Variants in DACH1 observed in about 807,000 individuals in gnomAD.
DACH1 encodes the protein dachshund homolog 1.
DACH1 carries 12 observed loss-of-function variants against 54.2 expected under a neutral mutation model. The ratio of observed to expected loss-of-function variants is 0.22; its 90% CI spans 0.14 to 0.36. DACH1 has a LOEUF of 0.36. DACH1 is among the 10% of genes least tolerant of loss of function. DACH1 has a pLI of 1.00. For synonymous variants in DACH1, 386 were observed against 366.2 expected (o/e 1.05, Z -0.62); for missense variants, 805 against 929.8 (o/e 0.87, Z 1.75).
At chr13:71,845,171 C>T (rs1292888559) in intron 1 of DACH1, among the ~76,000 whole-genome samples, 1 of 152,018 alleles carries the variant, frequency 6.6e-6, no homozygotes, top group Non-Finnish European at 1.5e-5. Flanking sequence ...GGTAATTACC[C>T]TGATCTGATC....
rs1217159359 is a variant in DACH1 at position 71,496,306 on chromosome 13, T to TATATAC, written c.1571-7159_1571-7158insGTATAT. Among the ~76,000 whole-genome samples, 453 of 45,832 alleles carry TATATAC rather than the reference T, an allele frequency of 9.9e-3. 5 individuals carry two copies. The highest frequency in any genetic ancestry group is 0.011 in the Non-Finnish European group (268 of 23,884). 30.1% of individuals were successfully genotyped at this position (45,832 alleles called of 152,430 possible). On this transcript the variant is annotated intron_variant, in intron 6 of 10. Coordinates refer to ENST00000613252, the MANE Select transcript of DACH1 (RefSeq NM_080759.6). ...ATATATATATATATATATATATATA[T>TATATAC]ACACACACAAAAAGATATGCAACAT...
chr13:71,702,212 T>C (rs1882174746), intron 1 of DACH1, among the ~76,000 whole-genome samples: 1 of 152,160 alleles, frequency 6.6e-6, no homozygotes. Context: ...AAAATGATCC[T>C]AAATTGCATA....
In DACH1 at chr13:71,488,977, C is replaced by A; in HGVS notation, c.1722+20G>T. On this transcript the variant is annotated intron_variant, in intron 7 of 10. Coordinates refer to ENST00000613252, the MANE Select transcript of DACH1 (RefSeq NM_080759.6). Reference sequence around the variant, plus strand: ...CAGGGTGTTCCATATGTCTTTCTTCCAGGTTGTAAAAAGGCCTACCTGTAT... The same window carrying A: ...CAGGGTGTTCCATATGTCTTTCTTCAAGGTTGTAAAAAGGCCTACCTGTAT... 1 of 1,600,966 alleles carries A rather than the reference C, an allele frequency of 6.2e-7. No homozygotes were observed. Among genetic ancestry groups the A allele is most frequent in the Non-Finnish European group, 8.5e-7 (1 of 1,174,582 alleles).
chr13:71,632,688 C>A (rs1455502591), intron 2 of DACH1, among the ~76,000 whole-genome samples: 1 of 152,082 alleles, frequency 6.6e-6, no homozygotes, highest in Non-Finnish European at 1.5e-5. Context: ...TCCTTCAGAT[C>A]AGACCAAAGA....
chr13:71,758,933 T>G (rs1885284695), intron 1 of DACH1, among the ~76,000 whole-genome samples: 1 of 112,086 alleles, frequency 8.9e-6, no homozygotes, highest in Admixed American at 1.2e-4. Context: ...GTCTTTGTCT[T>G]TTTTTTTTTT....
intron 3 of DACH1, among the ~76,000 whole-genome samples, chr13:71,605,994 T>A (rs1874853805): frequency 6.6e-6 from 1 of 152,092 alleles, no homozygotes; most frequent in Non-Finnish European, 1.5e-5. Flanking sequence ...GACTCACCTA[T>A]CTCACTGAAG....
At chr13:71,683,574 G>C (rs754379184) in intron 1 of DACH1, among the ~76,000 whole-genome samples, 3 of 152,098 alleles carry the variant, frequency 2.0e-5, no homozygotes, top group Non-Finnish European at 4.4e-5. Flanking sequence ...GTTGGAAAAC[G>C]AGCAAGACTG....
At chr13:71,780,869 C>T (rs1207915031) in intron 1 of DACH1, among the ~76,000 whole-genome samples, 1 of 152,118 alleles carries the variant, frequency 6.6e-6, no homozygotes, top group Non-Finnish European at 1.5e-5. Context: ...CTCAGTGGCT[C>T]ATGTCTGCAA....
intron 1 of DACH1, among the ~76,000 whole-genome samples, chr13:71,807,187 TAAC>T (rs1038105309): frequency 1.3e-5 from 2 of 152,186 alleles, no homozygotes; most frequent in African/African-American, 4.8e-5. Context: ...TGTGCTATAT[TAAC>T]AACTGTCTAT....
intron 1 of DACH1, among the ~76,000 whole-genome samples, chr13:71,863,003 T>C (rs1207977638): frequency 6.6e-6 from 1 of 152,060 alleles, no homozygotes; most frequent in Non-Finnish European, 1.5e-5. Flanking sequence ...AATTACTCCC[T>C]TAGCCTGTTA....
chr13:71,860,383 T>A (rs992177782), intron 1 of DACH1, among the ~76,000 whole-genome samples: 1 of 151,628 alleles, frequency 6.6e-6, no homozygotes, highest in African/African-American at 2.4e-5. Flanking sequence ...CTTAATTACA[T>A]TTTTAAATAC....
At chr13:71,515,632 A>T (rs1269311185) in intron 6 of DACH1, among the ~76,000 whole-genome samples, 1 of 151,916 alleles carries the variant, frequency 6.6e-6, no homozygotes, top group Non-Finnish European at 1.5e-5. Flanking sequence ...CATTATGTGG[A>T]GTTCAGTAAA....
chr13:71,813,396 A>G (rs1445342968), intron 1 of DACH1, among the ~76,000 whole-genome samples: 1 of 152,166 alleles, frequency 6.6e-6, no homozygotes, highest in Admixed American at 6.5e-5. Flanking sequence ...CTAGTGATCA[A>G]TGCAGGTGAG....
chr13:71,610,773 C>A (rs774988393), intron 3 of DACH1, among the ~76,000 whole-genome samples: 16 of 152,086 alleles, frequency 1.1e-4, no homozygotes, highest in Non-Finnish European at 2.2e-4. Flanking sequence ...GAAAAAGGAT[C>A]TTAAAAGATC....
At chr13:71,566,727 A>G (rs575372318) in intron 4 of DACH1, among the ~76,000 whole-genome samples, 129 of 152,248 alleles carry the variant, frequency 8.5e-4, no homozygotes, top group African/African-American at 2.9e-3. Context: ...TTTTTAGGTT[A>G]ACATCTTTTT....
chr13:71,786,162 G>A (rs942888205), intron 1 of DACH1, among the ~76,000 whole-genome samples: 74 of 152,120 alleles, frequency 4.9e-4, no homozygotes, highest in Admixed American at 1.4e-3. Flanking sequence ...AATAAAATAC[G>A]TACTTGAATC....
At chr13:71,732,436 T>C (rs1237976313) in intron 1 of DACH1, among the ~76,000 whole-genome samples, 2 of 151,750 alleles carry the variant, frequency 1.3e-5, no homozygotes, top group Non-Finnish European at 2.9e-5. Context: ...AATACAAAAA[T>C]TAGCTGGGTG....
At chr13:71,830,267 G>A (rs1888533549) in intron 1 of DACH1, among the ~76,000 whole-genome samples, 1 of 151,860 alleles carries the variant, frequency 6.6e-6, no homozygotes, top group African/African-American at 2.4e-5. Context: ...ACAGAATCAA[G>A]TTAGCGTAAA....
chr13:71,617,166 G>A (rs1348841337), intron 3 of DACH1, among the ~76,000 whole-genome samples: 1 of 152,088 alleles, frequency 6.6e-6, no homozygotes, highest in East Asian at 1.9e-4. Context: ...ACTCTGCCCA[G>A]CAGGGTCAAA....
Sources: allele counts gnomAD v4.1 joint callset (sites outside exome capture counted in the v4.1 genomes callset), GRCh38; gene constraint gnomAD v4.1.1; transcripts MANE v1.5; gene names NCBI Gene and HGNC (gene_info 2026-07-23, HGNC 2026-07-21).